Variants in PRDM15 observed in about 807,000 individuals in gnomAD.
The protein encoded by PRDM15 is PR domain zinc finger protein 15.
Under a neutral mutation model 128.6 loss-of-function variants are expected in PRDM15, and 64 were observed. The observed-to-expected ratio is 0.50, with a 90% CI of 0.41 to 0.61. PRDM15 has a LOEUF of 0.61. Among genes scored for constraint, PRDM15 ranks in the 20% least tolerant of loss-of-function variants. The pLI is 0.00. For synonymous variants in PRDM15, 615 were observed against 621.8 expected (o/e 0.99, Z 0.16); for missense variants, 1,242 against 1,569.1 (o/e 0.79, Z 3.52).
chr21:41,830,002 A>G (rs1013658760), intron 11 of PRDM15, among the ~76,000 whole-genome samples: 29 of 151,814 alleles, frequency 1.9e-4, no homozygotes, highest in African/African-American at 7.0e-4. Context: ...CACATACTAC[A>G]CAAACACACA....
At chr21:41,853,492 G>A (rs1032022246) in intron 5 of PRDM15, among the ~76,000 whole-genome samples, 5 of 152,078 alleles carry the variant, frequency 3.3e-5, no homozygotes, top group South Asian at 4.1e-4. Flanking sequence ...TGTCAGCTTC[G>A]GCAATATGAA....
At chr21:41,833,210 C>T (rs372939807) in intron 11 of PRDM15, among the ~76,000 whole-genome samples, 29 of 152,298 alleles carry the variant, frequency 1.9e-4, no homozygotes, top group African/African-American at 6.5e-4. Flanking sequence ...ACAAGGAACA[C>T]GAAGATGAGT....
At chr21:41,820,293 A>C in intron 16 of PRDM15, 119 bp from the exon 17 acceptor site, 1 of 731,284 alleles carries the variant, frequency 1.4e-6, no homozygotes, top group Non-Finnish European at 2.4e-6. Flanking sequence ...CGGGGATGAT[A>C]AAAGAAGCAG....
At chr21:41,806,596 TTA>T (rs2061668900) in intron 21 of PRDM15, among the ~76,000 whole-genome samples, 1 of 2,792 alleles carries the variant, frequency 3.6e-4, no homozygotes, top group Non-Finnish European at 8.9e-4. Flanking sequence ...ACCACCACCA[TTA>T]CTACCACCAC....
At chr21:41,807,009 C>G (rs1392260543) in intron 21 of PRDM15, among the ~76,000 whole-genome samples, 1 of 151,572 alleles carries the variant, frequency 6.6e-6, no homozygotes, top group Non-Finnish European at 1.5e-5. Context: ...CTACCACCAC[C>G]ATCACCAACA....
intron 16 of PRDM15, among the ~76,000 whole-genome samples, chr21:41,820,485 G>A (rs749564869): frequency 3.3e-5 from 5 of 152,166 alleles, no homozygotes; most frequent in Non-Finnish European, 7.3e-5. Flanking sequence ...ATAAGAAGAT[G>A]AGATTGGGCA....
At chr21:41,846,974 G>A in intron 6 of PRDM15, 116 bp downstream of exon 6, 1 of 689,468 alleles carries the variant, frequency 1.5e-6, no homozygotes. Flanking sequence ...TGGGGCAATG[G>A]GGCAGACAGG....
chr21:41,822,268 C>T (rs2062304616), intron 14 of PRDM15, among the ~76,000 whole-genome samples: 1 of 152,260 alleles, frequency 6.6e-6, no homozygotes, highest in African/African-American at 2.4e-5. Context: ...CCGCGGCTTC[C>T]TCTCACATGC....
Position 41,810,330 on chromosome 21 carries a change from C to T in PRDM15, c.2477-1G>A. The T allele has an allele frequency of 6.2e-7, 1 of 1,611,564 alleles. No individual in the cohort carries two copies. Among genetic ancestry groups the T allele is most frequent in the Non-Finnish European group, 8.5e-7 (1 of 1,179,060 alleles). ...ACGGAGCACGTCCACTGCTTGCCCA[C>T]TTTTCACACACACGCAGACACACAT... On this transcript the variant is annotated splice_acceptor_variant, in intron 20 of 23. Coordinates refer to ENST00000398548, the MANE Select transcript of PRDM15 (RefSeq NM_001040424.3). LOFTEE classifies it high-confidence loss of function. This position sits in a 1 kb window ranked among gnomAD's most constrained non-coding sequence, Gnocchi z 6.4.
intron 5 of PRDM15, 144 bp from the exon 6 acceptor site, chr21:41,847,335 C>T: frequency 1.7e-6 from 1 of 591,402 alleles, no homozygotes; most frequent in South Asian, 2.1e-5. Flanking sequence ...GGTCACTCCA[C>T]ATGACAGACA....
Position 41,859,579 on chromosome 21 carries a change from G to A in PRDM15, c.131+13C>T, listed in dbSNP as rs1025303432. The A allele has an allele frequency of 1.9e-5, 30 of 1,610,486 alleles. No individual in the cohort carries two copies. The highest frequency in any genetic ancestry group is 5.0e-5 in the Admixed American group (3 of 59,804). On this transcript the variant is annotated intron_variant, in intron 3 of 23. Coordinates refer to ENST00000398548, the MANE Select transcript of PRDM15 (RefSeq NM_001040424.3). The surrounding 1 kb of genome is among the most constrained non-coding windows in gnomAD (Gnocchi z 5.3). ...GCATATGGAAGGCCCGGGAGCTCACGGCGGTCACTCACCTTGCCCTGCTTA... is the reference window on the plus strand; with the variant it reads ...GCATATGGAAGGCCCGGGAGCTCACAGCGGTCACTCACCTTGCCCTGCTTA...
chr21:41,806,075 CCAT>C (rs1568880368), intron 21 of PRDM15, among the ~76,000 whole-genome samples: 22 of 82,042 alleles, frequency 2.7e-4, no homozygotes, highest in Non-Finnish European at 4.0e-4. Flanking sequence ...ATCACCACCA[CCAT>C]CACCACCACC....
At chr21:41,837,520 G>A (rs2062934021) in intron 8 of PRDM15, among the ~76,000 whole-genome samples, 2 of 152,016 alleles carry the variant, frequency 1.3e-5, no homozygotes, top group African/African-American at 4.8e-5. Context: ...AGAATGGTGG[G>A]TGCCAGGGGC....
chr21:41,853,515 C>T (rs1200931018), intron 5 of PRDM15, among the ~76,000 whole-genome samples: 1 of 152,118 alleles, frequency 6.6e-6, no homozygotes, highest in Admixed American at 6.5e-5. Flanking sequence ...TGCTGTTTTG[C>T]AGGTCAAAAG....
rs1437414426 is a variant in PRDM15 at position 41,801,579 on chromosome 21, G to C, written c.3087C>G (p.Thr1029=). 1.2e-6 allele frequency: 2 copies of C among 1,614,174 alleles called. No homozygotes were observed. The highest frequency in any genetic ancestry group is 4.5e-5 in the East Asian group (2 of 44,890). ...LQPVAVGHLT[T]PERQLQLDNS... is the part of the protein sequence containing the mutation. ...TGTCCAGCTGTAACTGGCGTTCAGG[G>C]GTGGTAAGGTGCCCCACGGCCACCG... Residue 1029 remains threonine (T), a synonymous_variant, in exon 24 of 24, where the codon ACC becomes ACG. Coordinates refer to ENST00000398548, the MANE Select transcript of PRDM15 (RefSeq NM_001040424.3).
In PRDM15 at chr21:41,810,510, G is replaced by C. The variant is rs991184023; in HGVS notation, c.2477-181C>G. 4.4e-6 allele frequency: 3 copies of C among 676,130 alleles called. No individual in the cohort carries two copies. The highest frequency in any genetic ancestry group is 3.8e-5 in the South Asian group (2 of 52,926). The allele number at this position is 676,130 out of a possible 1,614,324, so 41.9% of individuals were successfully genotyped here. ...CATGAGCACAGAGCCTCTGTCCCTT[G>C]GGGAGCACTGCCAGCAGCAGCTGCA... On this transcript the variant is annotated intron_variant, in intron 20 of 23. Transcript: ENST00000398548. This position sits in a 1 kb window ranked among gnomAD's most constrained non-coding sequence, Gnocchi z 6.4.
At chr21:41,865,774 T>C (rs1033043753) in intron 1 of PRDM15, among the ~76,000 whole-genome samples, 8 of 152,242 alleles carry the variant, frequency 5.3e-5, no homozygotes, top group Non-Finnish European at 1.0e-4. Flanking sequence ...TGACACAGTC[T>C]TGCTCTGTCA....
Position 41,823,417 on chromosome 21 carries a change from G to A in PRDM15, c.1662C>T (p.His554=). Residue 554 remains histidine, a synonymous_variant, in exon 14 of 24, where the codon CAC becomes CAT. Transcript: ENST00000398548. ...ACTTCTTGTCGCCGTGGGTGAGCAG[G>A]TGCTTGTTCATATTGCTCCGGCAGG... ...VFSCRSNMNK[H]LLTHGDKKYT... 1.3e-6 allele frequency: 2 copies of A among 1,558,714 alleles called. No homozygotes were observed. Among genetic ancestry groups the A allele is most frequent in the Non-Finnish European group, 1.7e-6 (2 of 1,151,536 alleles).
chr21:41,865,130 CAGT>C (rs2063959695), intron 1 of PRDM15, among the ~76,000 whole-genome samples: 2 of 119,998 alleles, frequency 1.7e-5, no homozygotes, highest in African/African-American at 6.2e-5. Context: ...GCTCACTCCT[CAGT>C]CCCCACTCCC....
Sources: allele counts gnomAD v4.1 joint callset (sites outside exome capture counted in the v4.1 genomes callset), GRCh38; gene constraint gnomAD v4.1.1; non-coding constraint Gnocchi (gnomAD v3.1); transcripts MANE v1.5; gene names NCBI Gene and HGNC (gene_info 2026-07-23, HGNC 2026-07-21).